VWA8: variants seen among roughly 807,000 people sequenced by gnomAD.
VWA8 encodes von Willebrand factor A domain containing 8.
VWA8 carries 221 observed loss-of-function variants against 241.5 expected under a neutral mutation model. That is an observed-to-expected ratio of 0.91 (90% CI 0.82 to 1.02). The LOEUF (loss-of-function observed/expected upper bound fraction) is 1.02, where lower values mean the gene tolerates loss of function less well. Ranked by LOEUF, VWA8 falls within the 50% of genes least tolerant of loss-of-function variation. The pLI, the probability that VWA8 is intolerant of heterozygous loss-of-function variation, is 0.00. For synonymous variants in VWA8, 852 were observed against 827.1 expected (o/e 1.03, Z -0.52); for missense variants, 2,322 against 2,328.7 (o/e 1.00, Z 0.06).
intron 4 of VWA8, among the ~76,000 whole-genome samples, chr13:41,898,468 A>G (rs59043059): frequency 0.061 from 9,361 of 152,328 alleles, 363 homozygotes; most frequent in East Asian, 0.12. Flanking sequence ...TGAGCTAGAC[A>G]TAAAGACTCT....
intron 7 of VWA8, 85 bp downstream of exon 7, chr13:41,886,696 G>A: frequency 9.0e-7 from 1 of 1,115,402 alleles, no homozygotes. Context: ...GTTGTTGAAT[G>A]ACTGAATTAA....
At chr13:41,750,120 G>A (rs896178755) in intron 21 of VWA8, among the ~76,000 whole-genome samples, 1 of 152,026 alleles carries the variant, frequency 6.6e-6, no homozygotes, top group Admixed American at 6.6e-5. Flanking sequence ...TTCTGGAAAA[G>A]GTTCACCATT....
intron 36 of VWA8, among the ~76,000 whole-genome samples, chr13:41,672,390 T>C (rs773894033): frequency 2.6e-5 from 4 of 152,198 alleles, no homozygotes; most frequent in Non-Finnish European, 5.9e-5. Context: ...AGTATAGCTC[T>C]TATTATACAA....
At chr13:41,579,615 C>A (rs2044370140) in intron 42 of VWA8, among the ~76,000 whole-genome samples, 1 of 152,202 alleles carries the variant, frequency 6.6e-6, no homozygotes, top group Non-Finnish European at 1.5e-5. Context: ...TGTCTTACCA[C>A]CTCCCAGGGT....
intron 40 of VWA8, among the ~76,000 whole-genome samples, chr13:41,596,696 C>T (rs980730063): frequency 6.6e-6 from 1 of 151,666 alleles, no homozygotes; most frequent in Non-Finnish European, 1.5e-5. Context: ...TTATTACTTT[C>T]ACACAAAGAA....
intron 42 of VWA8, among the ~76,000 whole-genome samples, chr13:41,582,920 G>A (rs920674416): frequency 6.6e-6 from 1 of 152,104 alleles, no homozygotes; most frequent in African/African-American, 2.4e-5. Flanking sequence ...ACTTTCTGCT[G>A]CGTGCACCAA....
intron 42 of VWA8, among the ~76,000 whole-genome samples, chr13:41,587,140 C>CT (rs1411840922): frequency 1.3e-5 from 2 of 152,266 alleles, no homozygotes; most frequent in South Asian, 2.1e-4. Context: ...GAACGTGATA[C>CT]TGAAGCTTTC....
chr13:41,938,024 G>A (rs1237161443), intron 2 of VWA8, among the ~76,000 whole-genome samples: 1 of 151,686 alleles, frequency 6.6e-6, no homozygotes, highest in Non-Finnish European at 1.5e-5. Flanking sequence ...AGCCAGACAT[G>A]GTGGCACACG....
intron 1 of VWA8, among the ~76,000 whole-genome samples, chr13:41,954,231 A>C (rs1399380227): frequency 6.6e-6 from 1 of 151,976 alleles, no homozygotes; most frequent in Admixed American, 6.6e-5. Context: ...ACCATATACA[A>C]CTAATTCTTT....
At chr13:41,798,487 G>T (rs777940739) in intron 17 of VWA8, among the ~76,000 whole-genome samples, 25 of 152,082 alleles carry the variant, frequency 1.6e-4, no homozygotes, top group Non-Finnish European at 2.8e-4. Flanking sequence ...ATCCAATCCT[G>T]GAATCTACTA....
chr13:41,926,434 G>T, intron 2 of VWA8: 1 of 527,814 alleles, frequency 1.9e-6, no homozygotes, highest in Non-Finnish European at 3.7e-6. Context: ...CTGTGGCCAA[G>T]CTTTTCATCA....
chr13:41,593,353 T>C (rs568944166), intron 40 of VWA8, among the ~76,000 whole-genome samples: 1 of 152,318 alleles, frequency 6.6e-6, no homozygotes, highest in East Asian at 1.9e-4. Flanking sequence ...CCAGATTATG[T>C]TCTTGGCAAG....
chr13:41,633,043 G>A (rs139609584), intron 37 of VWA8, among the ~76,000 whole-genome samples: 7 of 152,288 alleles, frequency 4.6e-5, no homozygotes, highest in East Asian at 1.9e-4. Flanking sequence ...AGGTTGCTGC[G>A]CTGGCTCCGA....
chr13:41,789,007 A>T (rs1444335630), intron 17 of VWA8, among the ~76,000 whole-genome samples: 1 of 152,156 alleles, frequency 6.6e-6, no homozygotes, highest in Non-Finnish European at 1.5e-5. Flanking sequence ...ATTGCTTGCT[A>T]ATAGGGCATT....
intron 22 of VWA8, 121 bp from the exon 23 acceptor site, chr13:41,729,798 GACACACACACACACACACAC>G (rs59345894): frequency 1.6e-4 from 73 of 445,202 alleles, no homozygotes; most frequent in Non-Finnish European, 2.4e-4. Flanking sequence ...TATACACGTA[GACACACACACACACACACAC>G]ACACACACAC....
intron 17 of VWA8, among the ~76,000 whole-genome samples, chr13:41,790,216 A>G (rs1350147632): frequency 6.6e-6 from 1 of 152,126 alleles, no homozygotes; most frequent in African/African-American, 2.4e-5. Context: ...TAAATCCCCA[A>G]ATAGTCTTTC....
intron 4 of VWA8, among the ~76,000 whole-genome samples, chr13:41,901,913 T>TATAC (rs1268681139): frequency 2.5e-4 from 16 of 64,018 alleles, no homozygotes; most frequent in African/African-American, 7.5e-4. Context: ...TATATATATA[T>TATAC]ACACACACAT....
At chr13:41,748,330 G>A (rs985860928) in intron 21 of VWA8, among the ~76,000 whole-genome samples, 16 of 152,006 alleles carry the variant, frequency 1.1e-4, no homozygotes, top group Non-Finnish European at 2.1e-4. Context: ...GTCTTGGGAG[G>A]GTGTATGTGT....
intron 37 of VWA8, among the ~76,000 whole-genome samples, chr13:41,650,557 C>T (rs1162724178): frequency 6.6e-6 from 1 of 152,230 alleles, no homozygotes; most frequent in Non-Finnish European, 1.5e-5. Context: ...CCAGTTTTAT[C>T]ATCCCTCTGA....
Sources: gnomAD v4.1 joint callset for allele counts (sites outside exome capture counted in the v4.1 genomes callset) on GRCh38, gnomAD v4.1.1 for gene constraint, MANE v1.5 for transcripts, NCBI Gene and HGNC (gene_info 2026-07-23, HGNC 2026-07-21) for gene names.